TMEM71: variants seen among roughly 807,000 people sequenced by gnomAD.
The protein encoded by TMEM71 is transmembrane protein 71.
In TMEM71, 44 loss-of-function variants were observed where a neutral mutation model predicts 38.0. The observed-to-expected ratio is 1.16, with a 90% CI of 0.91 to 1.49. The LOEUF (loss-of-function observed/expected upper bound fraction) is 1.49, where lower values mean the gene tolerates loss of function less well. Among genes scored for constraint, TMEM71 ranks in the 40% most tolerant of loss-of-function variants. The probability of loss-of-function intolerance (pLI) is 0.00; values close to 1 mark genes in which losing one functional copy is unlikely to be tolerated. For synonymous variants in TMEM71, 133 were observed against 122.5 expected, an observed-to-expected ratio of 1.09 and a Z score of -0.56; for missense variants, 367 against 348.6, an observed-to-expected ratio of 1.05 and a Z score of -0.42.
At chr8:132,729,895 T>C (rs1827356318) in intron 5 of TMEM71, among the ~76,000 whole-genome samples, 1 of 152,098 alleles carries the variant, frequency 6.6e-6, no homozygotes, top group Admixed American at 6.5e-5. Context: ...TGTTTTGGCC[T>C]ATGTAGTGGG....
downstream of TMEM71, among the ~76,000 whole-genome samples, chr8:132,708,269 G>C (rs2114043): frequency 6.6e-6 from 1 of 152,166 alleles, no homozygotes; most frequent in Non-Finnish European, 1.5e-5. Flanking sequence ...TCACTAGTCA[G>C]GTCCTGTGCA....
chr8:132,765,443 T>C (rs1174718126), upstream of TMEM71, among the ~76,000 whole-genome samples: 1 of 152,114 alleles, frequency 6.6e-6, no homozygotes. Context: ...CAGCTTCTGT[T>C]TAGAGTATAC....
intron 7 of TMEM71, among the ~76,000 whole-genome samples, chr8:132,717,057 C>A (rs939002534): frequency 3.9e-5 from 6 of 152,182 alleles, no homozygotes; most frequent in African/African-American, 1.4e-4. Flanking sequence ...GAAGTTGAAG[C>A]ATTACTTTAT....
intron 5 of TMEM71, among the ~76,000 whole-genome samples, chr8:132,740,849 G>A (rs1311096553): frequency 6.6e-6 from 1 of 152,154 alleles, no homozygotes; most frequent in African/African-American, 2.4e-5. Context: ...TGAACAGGGG[G>A]TCCTGTATTT....
chr8:132,723,331 A>G (rs1401890232), intron 6 of TMEM71, among the ~76,000 whole-genome samples: 1 of 152,222 alleles, frequency 6.6e-6, no homozygotes, highest in African/African-American at 2.4e-5. Context: ...ATCTAGCTTG[A>G]AAAACTGCAA....
At chr8:132,716,909 G>T (rs1050092853) in intron 7 of TMEM71, among the ~76,000 whole-genome samples, 10 of 152,078 alleles carry the variant, frequency 6.6e-5, no homozygotes, top group African/African-American at 1.9e-4. Flanking sequence ...ATGACATTTG[G>T]GTTGTTTCTA....
At chr8:132,733,771 G>A (rs1188030732) in intron 5 of TMEM71, among the ~76,000 whole-genome samples, 4 of 152,146 alleles carry the variant, frequency 2.6e-5, no homozygotes, top group African/African-American at 9.7e-5. Flanking sequence ...CCACAGATGA[G>A]TGGATGATGA....
the TMEM71 span, among the ~76,000 whole-genome samples, chr8:132,768,014 A>G: frequency 6.6e-6 from 1 of 152,224 alleles, no homozygotes; most frequent in Non-Finnish European, 1.5e-5. Context: ...GGGATTACAT[A>G]TACTAGTATT....
chr8:132,715,134 G>A (rs899023112), intron 7 of TMEM71, among the ~76,000 whole-genome samples: 8 of 152,100 alleles, frequency 5.3e-5, no homozygotes, highest in African/African-American at 1.2e-4. Context: ...GCAGCAGGGC[G>A]CGGTGCTCAT....
chr8:132,736,876 C>A (rs917177172), intron 5 of TMEM71, among the ~76,000 whole-genome samples: 1 of 151,902 alleles, frequency 6.6e-6, no homozygotes, highest in African/African-American at 2.4e-5. Context: ...AATGTTCTCA[C>A]AACAACAATA....
At position 132,758,969 on chromosome 8, in the gene TMEM71, T is replaced by C. The variant is rs549038215; in HGVS notation, c.-36-54A>G. On this transcript the variant is annotated intron_variant, in intron 1 of 9. Coordinates refer to ENST00000677595, the MANE Select transcript of TMEM71 (RefSeq NM_001382403.1). Reference sequence around the variant, plus strand: ...CTATATATTAAAAATAGAAAAATTATGCCAAAACAGATGGCATCTACTAAT... The same window carrying C: ...CTATATATTAAAAATAGAAAAATTACGCCAAAACAGATGGCATCTACTAAT... The C allele has an allele frequency of 1.2e-4, 138 of 1,109,892 alleles. No homozygotes were observed. The African/African-American group carries it at 1.9e-3, about 15-fold the overall frequency. 68.8% of individuals were successfully genotyped at this position (1,109,892 alleles called of 1,614,324 possible). A position where few individuals can be genotyped will look rare whatever the true frequency, so the allele number is the denominator to read the frequency against.
intron 5 of TMEM71, among the ~76,000 whole-genome samples, chr8:132,732,336 G>A (rs951096812): frequency 6.6e-6 from 1 of 152,128 alleles, no homozygotes; most frequent in Non-Finnish European, 1.5e-5. Context: ...AAGAGGACAG[G>A]CCAGGCAGAG....
At chr8:132,742,479 A>C (rs1586798911) in intron 5 of TMEM71, among the ~76,000 whole-genome samples, 1 of 152,176 alleles carries the variant, frequency 6.6e-6, no homozygotes, top group Admixed American at 6.5e-5. Context: ...CTCTGCTTAA[A>C]CTTCTGACAT....
chr8:132,745,111 C>T (rs1828263641), intron 5 of TMEM71, among the ~76,000 whole-genome samples: 1 of 152,092 alleles, frequency 6.6e-6, no homozygotes, highest in Non-Finnish European at 1.5e-5. Flanking sequence ...TGGACATCAG[C>T]CTTGGAAAAT....
chr8:132,737,719 G>T (rs962599650), intron 5 of TMEM71, among the ~76,000 whole-genome samples: 1 of 152,160 alleles, frequency 6.6e-6, no homozygotes, highest in East Asian at 1.9e-4. Flanking sequence ...CTTGCCCCTA[G>T]CACTCACACA....
chr8:132,719,103 A>G (rs896787433), intron 7 of TMEM71, among the ~76,000 whole-genome samples: 3 of 152,232 alleles, frequency 2.0e-5, no homozygotes, highest in Admixed American at 1.3e-4. Flanking sequence ...GATTTTTTGT[A>G]TAAACACCTG....
chr8:132,772,834 A>G, the TMEM71 span, among the ~76,000 whole-genome samples: 16 of 152,178 alleles, frequency 1.1e-4, no homozygotes, highest in Non-Finnish European at 1.9e-4. Context: ...ATTTCCCTAA[A>G]TGTAACAGCT....
At chr8:132,775,764 C>G in the TMEM71 span, 1 of 255,162 alleles carries the variant, frequency 3.9e-6, no homozygotes, top group Non-Finnish European at 7.4e-6. Flanking sequence ...CTCCCCGTAA[C>G]TCGCCGGCCC....
intron 7 of TMEM71, among the ~76,000 whole-genome samples, 168 bp downstream of exon 7, chr8:132,721,872 A>G (rs1826870253): frequency 6.6e-6 from 1 of 152,114 alleles, no homozygotes; most frequent in African/African-American, 2.4e-5. Flanking sequence ...GAGAGGATAG[A>G]GGTGGGCAAT....
Sources: gnomAD v4.1 joint callset for allele counts (sites outside exome capture counted in the v4.1 genomes callset) on GRCh38, gnomAD v4.1.1 for gene constraint, MANE v1.5 for transcripts, NCBI Gene and HGNC (gene_info 2026-07-23, HGNC 2026-07-21) for gene names.